Variants in ACSL4 observed in about 807,000 individuals in gnomAD.
The protein encoded by ACSL4 is acyl-CoA synthetase long chain family member 4.
ACSL4 carries 9 observed loss-of-function variants against 49.1 expected under a neutral mutation model. The ratio of observed to expected loss-of-function variants is 0.18; its 90% CI spans 0.11 to 0.32. The LOEUF (loss-of-function observed/expected upper bound fraction) is 0.32. ACSL4 is among the 10% of genes least tolerant of loss of function. The pLI is 1.00. For synonymous variants in ACSL4, 191 were observed against 170.3 expected, an observed-to-expected ratio of 1.12 and a Z score of -0.95; for missense variants, 333 against 493.7, an observed-to-expected ratio of 0.67 and a Z score of 3.08.
chrX:109,679,508 G>A (rs950701419), intron 6 of ACSL4, among the ~76,000 whole-genome samples: 3 of 112,174 alleles, frequency 2.7e-5, no homozygotes, highest in Admixed American at 1.9e-4. Flanking sequence ...ACTTAAACTG[G>A]CTAATTTTAA....
In ACSL4 at chrX:109,669,282, T is replaced by TAA. The variant is rs1250536936; in HGVS notation, c.1003-110_1003-109insTT. On this transcript the variant is annotated intron_variant, in intron 9 of 15. Coordinates refer to ENST00000672401, the MANE Select transcript of ACSL4 (RefSeq NM_001318510.2). ...GTAAAAGTCTTTAGCATAATGGACA[T>TAA]ATTTGTTTCTTTAATTATGTAATTA... 5.3e-6 allele frequency: 3 copies of TAA among 562,769 alleles called. No homozygotes were observed. The African/African-American group carries it at 6.9e-5, about 13-fold the overall frequency. The allele number at this position is 562,769 out of a possible 1,213,427, so 46.4% of individuals were successfully genotyped here. A position where few individuals can be genotyped will look rare whatever the true frequency, so the allele number is the denominator to read the frequency against.
chrX:109,651,850 T>C (rs761579724), intron 15 of ACSL4, among the ~76,000 whole-genome samples: 1 of 111,947 alleles, frequency 8.9e-6, no homozygotes, highest in East Asian at 2.8e-4. Context: ...AAATAAAGAC[T>C]GCTATAGAAG....
Position 109,661,546 on chromosome X carries a change from C to T in ACSL4, c.1682G>A (p.Cys561Tyr). The change falls in exon 14 of 16, where the codon TGT becomes TAT. Residue 561 changes from cysteine (C) to tyrosine (Y), a missense_variant. Cys to Tyr is a radical substitution (Grantham distance 194). Around this residue, in one of 3 missense-constraint regions of ACSL4, gnomAD observed 175 missense variants for 275.8 expected, o/e 0.63. Coordinates refer to ENST00000672401, the MANE Select transcript of ACSL4 (RefSeq NM_001318510.2). The part of the protein sequence containing the change: ...LKNCPLIDNI[C>Y]AFAKSDQSYV... ...GGAAAGTTACCTTTTGGCAAAAGCA[C>T]AGATGTTGTCAATAAGTGGACAATT... 8.3e-7 allele frequency: 1 copy of T among 1,206,529 alleles called. No individual in the cohort carries two copies. The highest frequency in any genetic ancestry group is 1.1e-6 in the Non-Finnish European group (1 of 891,196).
At chrX:109,664,297 A>G (rs192512240) in intron 12 of ACSL4, among the ~76,000 whole-genome samples, 1 of 111,976 alleles carries the variant, frequency 8.9e-6, no homozygotes, top group African/African-American at 3.2e-5. Context: ...GGAAATCAGA[A>G]AATAAAAATT....
chrX:109,647,800 G>A (rs886834574), intron 15 of ACSL4, among the ~76,000 whole-genome samples: 4 of 110,889 alleles, frequency 3.6e-5, no homozygotes, highest in African/African-American at 1.3e-4. Flanking sequence ...GAAAAAAAGA[G>A]AGAAGAATCA....
chrX:109,690,018 A>G (rs1924923880), intron 2 of ACSL4, among the ~76,000 whole-genome samples: 1 of 112,393 alleles, frequency 8.9e-6, no homozygotes, highest in African/African-American at 3.2e-5. Context: ...ATCATCTTAA[A>G]AAACAATCAC....
chrX:109,731,000 TA>T (rs1200548971), intron 1 of ACSL4, among the ~76,000 whole-genome samples: 2 of 111,773 alleles, frequency 1.8e-5, no homozygotes, highest in Non-Finnish European at 3.8e-5. Context: ...CATGGACATT[TA>T]AAAAATAGTG....
chrX:109,715,650 G>A (rs1183447946), intron 1 of ACSL4, among the ~76,000 whole-genome samples: 9 of 109,985 alleles, frequency 8.2e-5, no homozygotes, highest in African/African-American at 3.0e-4. Context: ...TATATATAGA[G>A]AGAGATCAAA....
chrX:109,664,553 A>G (rs1922473359), intron 12 of ACSL4, among the ~76,000 whole-genome samples: 1 of 112,145 alleles, frequency 8.9e-6, no homozygotes, highest in Admixed American at 9.4e-5. Flanking sequence ...TTTTTAAAAA[A>G]GAAATAGTCA....
At chrX:109,680,334 TA>T (rs1350177535) in intron 6 of ACSL4, among the ~76,000 whole-genome samples, 1 of 112,255 alleles carries the variant, frequency 8.9e-6, no homozygotes, top group East Asian at 2.8e-4. Flanking sequence ...TCTCTAATGG[TA>T]AAATGTTCAG....
In ACSL4 at chrX:109,643,992, C is replaced by T. The variant is rs184672678; in HGVS notation, c.*37G>A. The T allele has an allele frequency of 2.2e-4, 265 of 1,203,138 alleles. 1 individual carries two copies. The African/African-American group carries it at 4.1e-3, about 19-fold the overall frequency. ...ATTCTAGAGGTTGAAAACCACCAGG[C>T]TACCTCCTGCACAACTGTCAATAAG... On this transcript the variant is annotated 3_prime_UTR_variant, in exon 16 of 16. Coordinates refer to ENST00000672401, the MANE Select transcript of ACSL4 (RefSeq NM_001318510.2).
chrX:109,678,217 T>C (rs1004626354), intron 7 of ACSL4, 48 bp downstream of exon 7: 3 of 1,207,418 alleles, frequency 2.5e-6, no homozygotes, highest in Admixed American at 4.4e-5. Flanking sequence ...TAGAGAATGC[T>C]GAACATGAAC....
chrX:109,733,180 T>A lies in ACSL4; in HGVS notation c.-107A>T, dbSNP rs919970208. ...CGCGTCTTCGCAGCCGGCCGGCGCC[T>A]GGCACTCGGAAAGCTCGCAAAAAGG... On this transcript the variant is annotated 5_prime_UTR_variant, in exon 1 of 16. Coordinates refer to ENST00000672401, the MANE Select transcript of ACSL4 (RefSeq NM_001318510.2). 1 of 326,955 alleles carries A rather than the reference T, an allele frequency of 3.1e-6. No individual in the cohort carries two copies. Among genetic ancestry groups the A allele is most frequent in the East Asian group, 1.0e-4 (1 of 9,940 alleles). 26.9% of individuals were successfully genotyped at this position (326,955 alleles called of 1,213,427 possible).
At chrX:109,712,707 G>C (rs1398304121) in intron 1 of ACSL4, among the ~76,000 whole-genome samples, 1 of 112,159 alleles carries the variant, frequency 8.9e-6, no homozygotes, top group Non-Finnish European at 1.9e-5. Flanking sequence ...AGCTGCCATG[G>C]CATGTGCCTG....
intron 15 of ACSL4, among the ~76,000 whole-genome samples, chrX:109,649,433 C>A (rs1603399302): frequency 9.0e-6 from 1 of 111,575 alleles, no homozygotes; most frequent in South Asian, 3.7e-4. Flanking sequence ...GGAAAGGATT[C>A]CCTATTTAAT....
At chrX:109,725,745 A>C (rs1333949783) in intron 1 of ACSL4, among the ~76,000 whole-genome samples, 1 of 110,775 alleles carries the variant, frequency 9.0e-6, no homozygotes, top group Non-Finnish European at 1.9e-5. Flanking sequence ...ATCTCAAAAA[A>C]TAAAATAAAA....
rs1476636374 is a variant in ACSL4, at chrX:109,711,032, A to G, written c.-65-14836T>C. Among the ~76,000 whole-genome samples, 4 of 112,954 alleles carry G rather than the reference A, an allele frequency of 3.5e-5. No individual in the cohort carries two copies. In the East Asian group the frequency reaches 1.1e-3, roughly 31 times the overall value. On this transcript the variant is annotated intron_variant, in intron 1 of 15. Transcript: ENST00000672401. ...AGCCTAACTTTAAAAATCAGAGAAA[A>G]GGATATTGCCAAGTTAACTTTAACA...
At chrX:109,729,532 T>C (rs1341112089) in intron 1 of ACSL4, among the ~76,000 whole-genome samples, 1 of 112,113 alleles carries the variant, frequency 8.9e-6, no homozygotes, top group African/African-American at 3.2e-5. Context: ...GGCAGTTCCT[T>C]AGAAAACTAA....
intron 1 of ACSL4, among the ~76,000 whole-genome samples, chrX:109,727,105 TA>T (rs1928067232): frequency 9.0e-6 from 1 of 111,571 alleles, no homozygotes; most frequent in African/African-American, 3.3e-5. Context: ...AATATATTCT[TA>T]AGTTATTTTT....
Sources: gnomAD v4.1 joint callset for allele counts (sites outside exome capture counted in the v4.1 genomes callset) on GRCh38, gnomAD v4.1.1 for gene constraint, gnomAD v4.1.1 regional missense constraint, MANE v1.5 for transcripts, NCBI Gene and HGNC (gene_info 2026-07-23, HGNC 2026-07-21) for gene names.